Variants in CHST8 observed in about 807,000 individuals in gnomAD.
CHST8 encodes GALNAC-4-ST1.
A neutral mutation model predicts 15.0 loss-of-function variants in CHST8; 10 were observed. The observed-to-expected ratio is 0.67, with a 90% confidence interval of 0.41 to 1.13. CHST8 has a LOEUF of 1.13. Among genes scored for constraint, CHST8 ranks in the 50% most tolerant of loss-of-function variants. The pLI, the probability that CHST8 is intolerant of heterozygous loss-of-function variation, is 0.00. For synonymous variants in CHST8, 259 were observed against 256.6 expected (o/e 1.01, Z -0.09); for missense variants, 634 against 608.2 (o/e 1.04, Z -0.45).
chr19:33,764,750 C>A (rs915596195), intron 3 of CHST8, among the ~76,000 whole-genome samples: 1 of 152,020 alleles, frequency 6.6e-6, no homozygotes, highest in African/African-American at 2.4e-5. Context: ...TACCTAAGTT[C>A]TTTAGTTAGC....
intron 2 of CHST8, among the ~76,000 whole-genome samples, chr19:33,681,028 A>G (rs1972880565): frequency 6.6e-6 from 1 of 152,242 alleles, no homozygotes; most frequent in Non-Finnish European, 1.5e-5. Context: ...AAACCAGGAT[A>G]TTGACATTGA....
rs1318617413 is a variant in CHST8 at position 33,694,109 on chromosome 19, TATATATATATATATATATATAA to T, written c.130+4721_130+4742del. Among the ~76,000 whole-genome samples the T allele has an allele frequency of 4.1e-5, 3 of 73,496 alleles. 1 individual carries two copies. Among genetic ancestry groups the T allele is most frequent in the Admixed American group, 3.3e-4 (2 of 6,148 alleles). 48.2% of individuals were successfully genotyped at this position (73,496 alleles called of 152,430 possible). On this transcript the variant is annotated intron_variant, in intron 3 of 4. Transcript: ENST00000650847. Reference sequence around the variant, plus strand: ...TAGTTTATTCATATATATATATATATATATATATATATATATATATAAATGCAATGTTACCATACAGATTCTA... The same window carrying T: ...TAGTTTATTCATATATATATATATATATGCAATGTTACCATACAGATTCTA...
chr19:33,695,821 C>CTTTCTTTCTTTCTTTCTT (rs57718433), intron 3 of CHST8, among the ~76,000 whole-genome samples: 4 of 76,228 alleles, frequency 5.2e-5, no homozygotes, highest in Non-Finnish European at 1.0e-4. Context: ...TTCTTTCTTT[C>CTTTCTTTCTTTCTTTCTT]TTTTTTTTTT....
rs146687623 is a variant in CHST8, at chr19:33,659,954, C to T, written c.-163-7813C>T. ...GTTTCTGTTCATGGCAGTCACTCCA[C>T]GGGGCTGATCCCTGGAATCCTCCTG... On this transcript the variant is annotated intron_variant, in intron 1 of 4. Transcript: ENST00000650847. 5.2e-3 allele frequency among the ~76,000 whole-genome samples: 788 copies of T among 152,314 alleles called. 8 individuals are homozygous for T. The highest frequency in any genetic ancestry group is 0.017 in the African/African-American group (696 of 41,560).
At chr19:33,719,741 A>G (rs1385234336) in intron 3 of CHST8, among the ~76,000 whole-genome samples, 1 of 91,772 alleles carries the variant, frequency 1.1e-5, no homozygotes, top group African/African-American at 4.7e-5. Context: ...ATTTACTGTG[A>G]GTTACAAAAA....
chr19:33,652,806 G>A (rs1972466407), intron 1 of CHST8, among the ~76,000 whole-genome samples: 1 of 152,082 alleles, frequency 6.6e-6, no homozygotes, highest in Non-Finnish European at 1.5e-5. Flanking sequence ...TAGTCCGTCT[G>A]CTGGTTTGGA....
At chr19:33,765,825 G>A (rs954645708) in intron 3 of CHST8, among the ~76,000 whole-genome samples, 1 of 152,216 alleles carries the variant, frequency 6.6e-6, no homozygotes, top group East Asian at 1.9e-4. Flanking sequence ...CCTCCAAAGT[G>A]CTGGGATTAC....
Position 33,772,503 on chromosome 19 carries a change from T to C in CHST8, c.715T>C (p.Phe239Leu). 1 of 1,613,830 alleles carries C rather than the reference T, an allele frequency of 6.2e-7. No homozygotes were observed. The change falls in exon 5 of 5, where the codon TTC becomes CTC. Residue 239 changes from phenylalanine to leucine, a missense_variant. Physicochemically the swap from Phe to Leu is conservative, Grantham distance 22 (BLOSUM62 0). Transcript: ENST00000650847. ...YGSALKRLDT[F>L]DRQGILHRLS... ...CAGCGCTCTCAAGCGCCTGGACACC[T>C]TCGACCGCCAGGGTATCTTGCACCG... is the stretch of plus-strand genomic sequence containing the variant.
At chr19:33,704,908 T>TAA (rs553461502) in intron 3 of CHST8, among the ~76,000 whole-genome samples, 1 of 127,374 alleles carries the variant, frequency 7.9e-6, no homozygotes, top group Non-Finnish European at 1.7e-5. Context: ...GATGCTGTCT[T>TAA]AAAAAAAAAA....
At chr19:33,623,588 C>T (rs1362103638) in intron 1 of CHST8, among the ~76,000 whole-genome samples, 1 of 152,204 alleles carries the variant, frequency 6.6e-6, no homozygotes, top group Non-Finnish European at 1.5e-5. Context: ...AGCCCACTTT[C>T]CTGGGTAACC....
intron 3 of CHST8, among the ~76,000 whole-genome samples, chr19:33,735,989 C>G (rs2145332751): frequency 6.6e-6 from 1 of 152,374 alleles, no homozygotes; most frequent in Non-Finnish European, 1.5e-5. Flanking sequence ...AAAGAGACTG[C>G]TCCCTGCTGC....
intron 1 of CHST8, among the ~76,000 whole-genome samples, chr19:33,651,772 A>G (rs968983645): frequency 6.6e-6 from 1 of 152,058 alleles, no homozygotes; most frequent in African/African-American, 2.4e-5. Flanking sequence ...TGTGCATGCT[A>G]TTGATTATTT....
intron 3 of CHST8, among the ~76,000 whole-genome samples, chr19:33,705,207 C>A (rs1203691560): frequency 1.3e-5 from 2 of 152,158 alleles, no homozygotes; most frequent in Non-Finnish European, 2.9e-5. Flanking sequence ...AGAATTACTT[C>A]CAGCCCCATA....
chr19:33,691,788 A>G (rs1973103104), intron 3 of CHST8, among the ~76,000 whole-genome samples: 1 of 152,158 alleles, frequency 6.6e-6, no homozygotes, highest in African/African-American at 2.4e-5. Flanking sequence ...ACATTCTGGG[A>G]GTTGCCCTGC....
At chr19:33,624,131 T>C (rs1332931072) in intron 1 of CHST8, among the ~76,000 whole-genome samples, 3 of 152,236 alleles carry the variant, frequency 2.0e-5, no homozygotes, top group Non-Finnish European at 4.4e-5. Flanking sequence ...GAGTGAATTA[T>C]GTTTCCCGGG....
intron 1 of CHST8, among the ~76,000 whole-genome samples, chr19:33,657,473 T>G (rs117875173): frequency 0.031 from 4,775 of 151,812 alleles, 93 homozygotes; most frequent in Middle Eastern, 0.062. Flanking sequence ...GGTTTCGTTA[T>G]GTTGACCAGG....
At chr19:33,682,940 G>A (rs73031387) in intron 2 of CHST8, among the ~76,000 whole-genome samples, 20 of 152,312 alleles carry the variant, frequency 1.3e-4, no homozygotes, top group Non-Finnish European at 2.4e-4. Context: ...GCATCTGCTC[G>A]GCTTCTGGGG....
At chr19:33,735,298 A>C (rs1440347557) in intron 3 of CHST8, among the ~76,000 whole-genome samples, 1 of 152,228 alleles carries the variant, frequency 6.6e-6, no homozygotes, top group Non-Finnish European at 1.5e-5. Flanking sequence ...AATGCCTCAC[A>C]GGCAGAGTTA....
intron 1 of CHST8, among the ~76,000 whole-genome samples, chr19:33,657,270 C>CTTT (rs60317430): frequency 7.1e-6 from 1 of 140,460 alleles, no homozygotes; most frequent in Non-Finnish European, 1.6e-5. Context: ...CACACACACA[C>CTTT]TTTTTTTTTT....
Sources: allele counts gnomAD v4.1 joint callset (sites outside exome capture counted in the v4.1 genomes callset), GRCh38; gene constraint gnomAD v4.1.1; transcripts MANE v1.5; gene names NCBI Gene and HGNC (gene_info 2026-07-23, HGNC 2026-07-21).